The following DCX variants were observed in gnomAD, a reference collection of about 807,000 sequenced individuals.
The protein encoded by DCX is doublecortin.
A neutral mutation model predicts 20.9 loss-of-function variants in DCX; 4 were observed. The ratio of observed to expected loss-of-function variants is 0.19; its 90% confidence interval spans 0.09 to 0.44. DCX has a LOEUF of 0.44. DCX is among the 20% of genes least tolerant of loss of function. The pLI, the probability that DCX is intolerant of heterozygous loss-of-function variation, is 0.99. For missense variants in DCX, 133 were observed against 296.9 expected (o/e 0.45, Z 4.06); for synonymous variants, 103 against 111.4 (o/e 0.92, Z 0.47).
intron 5 of DCX, among the ~76,000 whole-genome samples, chrX:111,320,824 TTC>T (rs375989722): frequency 0.03 from 3,094 of 104,869 alleles, 119 homozygotes; most frequent in African/African-American, 0.1. Context: ...CTCTCTTTCT[TTC>T]TCTCTCTCTC....
chrX:111,369,254 C>T (rs1231689011), intron 3 of DCX, among the ~76,000 whole-genome samples: 1 of 111,143 alleles, frequency 9.0e-6, no homozygotes, highest in Non-Finnish European at 1.9e-5. Context: ...AACACCCTCA[C>T]AGACACACCC....
In DCX at chrX:111,408,747, C is replaced by T. The variant is rs1928465340; in HGVS notation, c.364+1288G>A. ...CTCAGATGCAGCAACAATATGGACA[C>T]TGTCTTTTATAAGTAACTGGTCCCA... On this transcript the variant is annotated intron_variant, in intron 2 of 6. Transcript: ENST00000636035. Among the ~76,000 whole-genome samples the T allele has an allele frequency of 2.7e-5, 3 of 111,910 alleles. No homozygotes were observed. The South Asian group carries it at 1.1e-3, about 43-fold the overall frequency.
At chrX:111,408,222 A>AG (rs1928359746) in intron 2 of DCX, among the ~76,000 whole-genome samples, 1 of 111,647 alleles carries the variant, frequency 9.0e-6, no homozygotes, top group Non-Finnish European at 1.9e-5. Context: ...CAGGATGGCC[A>AG]GTCCTTTGAT....
At chrX:111,385,473 T>C (rs1473375845) in intron 3 of DCX, among the ~76,000 whole-genome samples, 3 of 109,663 alleles carry the variant, frequency 2.7e-5, no homozygotes, top group African/African-American at 1.0e-4. Flanking sequence ...CTGGCCAGTA[T>C]GGTGAAACCT....
chrX:111,365,166 T>A (rs1259051394), intron 3 of DCX, among the ~76,000 whole-genome samples: 1 of 109,290 alleles, frequency 9.1e-6, no homozygotes, highest in Non-Finnish European at 1.9e-5. Flanking sequence ...GTGATCCACC[T>A]GCCTCCACCT....
chrX:111,404,263 AAAAAAAGAGAAAGT>A (rs1362264937), intron 2 of DCX, among the ~76,000 whole-genome samples: 14 of 110,550 alleles, frequency 1.3e-4, no homozygotes, highest in African/African-American at 3.6e-4. Flanking sequence ...CTGAAGAGGA[AAAAAAAGAGAAAGT>A]ATCAAGGGCA....
intron 2 of DCX, among the ~76,000 whole-genome samples, chrX:111,403,104 C>T (rs765700669): frequency 2.7e-5 from 3 of 110,993 alleles, no homozygotes. Context: ...AAGGAAGGGG[C>T]CCTTTTAGTG....
At chrX:111,400,523 C>T (rs1040545920) in intron 3 of DCX, among the ~76,000 whole-genome samples, 5 of 112,309 alleles carry the variant, frequency 4.5e-5, no homozygotes, top group South Asian at 3.7e-4. Flanking sequence ...GTGCTTTCCC[C>T]GTATCTGACT....
chrX:111,361,494 G>A (rs969544731), intron 3 of DCX, among the ~76,000 whole-genome samples: 36 of 111,731 alleles, frequency 3.2e-4, no homozygotes, highest in East Asian at 1.4e-3. Flanking sequence ...CTCTCACTTC[G>A]AAACAGTTGA....
At chrX:111,343,097 A>T (rs1219175162) in intron 3 of DCX, among the ~76,000 whole-genome samples, 7 of 106,494 alleles carry the variant, frequency 6.6e-5, no homozygotes, top group Non-Finnish European at 1.2e-4. Context: ...AAGCACACAA[A>T]CTCCCCCCCA....
At chrX:111,353,373 T>C (rs1255096070) in intron 3 of DCX, among the ~76,000 whole-genome samples, 1 of 111,993 alleles carries the variant, frequency 8.9e-6, no homozygotes, top group Non-Finnish European at 1.9e-5. Context: ...ATAGTGCATA[T>C]AAAATGCTTT....
At position 111,407,802 on chromosome X, in the gene DCX, GCACACACA is replaced by G. The variant is rs34206475; in HGVS notation, c.364+2225_364+2232del. Reference sequence around the variant, plus strand: ...CCAGCCCCTCGTGATACATCAATACGCACACACACACACACACACACACACACACACAC... The same window carrying G: ...CCAGCCCCTCGTGATACATCAATACGCACACACACACACACACACACACAC... On this transcript the variant is annotated intron_variant, in intron 2 of 6. Transcript: ENST00000636035. Among the ~76,000 whole-genome samples, 778 of 90,259 alleles carry G rather than the reference GCACACACA, an allele frequency of 8.6e-3. 10 individuals are homozygous for G. The highest frequency in any genetic ancestry group is 0.029 in the African/African-American group (737 of 25,160). 78.4% of individuals were successfully genotyped at this position (90,259 alleles called of 115,157 possible).
At chrX:111,391,526 G>A (rs768333439) in intron 3 of DCX, among the ~76,000 whole-genome samples, 21 of 110,972 alleles carry the variant, frequency 1.9e-4, no homozygotes, top group South Asian at 3.8e-4. Flanking sequence ...GTGTCTGCCC[G>A]GCACCTTACC....
chrX:111,332,907 C>A, intron 4 of DCX, 144 bp downstream of exon 4: 1 of 514,680 alleles, frequency 1.9e-6, no homozygotes, highest in Admixed American at 2.8e-5. Flanking sequence ...ACCCATGTAT[C>A]CAAATATACA....
At chrX:111,344,796 C>T (rs922262032) in intron 3 of DCX, among the ~76,000 whole-genome samples, 2 of 111,598 alleles carry the variant, frequency 1.8e-5, no homozygotes, top group Non-Finnish European at 3.8e-5. Context: ...AAATCAATAT[C>T]GTGAAAATGG....
At chrX:111,384,538 T>G (rs1343466830) in intron 3 of DCX, among the ~76,000 whole-genome samples, 1 of 111,487 alleles carries the variant, frequency 9.0e-6, no homozygotes, top group African/African-American at 3.3e-5. Flanking sequence ...AACTAGATAC[T>G]TTATTTTCTG....
At chrX:111,357,879 G>A (rs1923874362) in intron 3 of DCX, among the ~76,000 whole-genome samples, 1 of 111,572 alleles carries the variant, frequency 9.0e-6, no homozygotes, top group Admixed American at 9.4e-5. Flanking sequence ...CCAGGCTGGA[G>A]TGCAGTGATG....
intron 5 of DCX, among the ~76,000 whole-genome samples, chrX:111,330,381 T>C (rs1356127579): frequency 8.9e-6 from 1 of 112,006 alleles, no homozygotes; most frequent in African/African-American, 3.2e-5. Flanking sequence ...TGCTTTACTT[T>C]CCGGTTGTGA....
chrX:111,397,250 C>T (rs1458488459), intron 3 of DCX, among the ~76,000 whole-genome samples: 2 of 111,343 alleles, frequency 1.8e-5, no homozygotes, highest in African/African-American at 6.5e-5. Flanking sequence ...ATAGTGAACA[C>T]TGAAATCAAG....
Sources: gnomAD v4.1 joint callset for allele counts (sites outside exome capture counted in the v4.1 genomes callset) on GRCh38, gnomAD v4.1.1 for gene constraint, MANE v1.5 for transcripts, NCBI Gene and HGNC (gene_info 2026-07-23, HGNC 2026-07-21) for gene names.